TSHR: variants seen among roughly 807,000 people sequenced by gnomAD.
TSHR encodes thyrotropin receptor.
A neutral mutation model predicts 64.1 loss-of-function variants in TSHR; 51 were observed. The ratio of observed to expected loss-of-function variants is 0.80; its 90% CI spans 0.64 to 1.01. TSHR has a LOEUF of 1.01. Among genes scored for constraint, TSHR ranks in the 50% least tolerant of loss-of-function variants. The pLI, the probability that TSHR is intolerant of heterozygous loss-of-function variation, is 0.00. For synonymous variants in TSHR, 361 were observed against 361.9 expected, an observed-to-expected ratio of 1.00 and a Z score of 0.03; for missense variants, 877 against 942.8, an observed-to-expected ratio of 0.93 and a Z score of 0.91.
intron 1 of TSHR, among the ~76,000 whole-genome samples, chr14:81,055,860 T>C: frequency 6.6e-6 from 1 of 152,226 alleles, no homozygotes; most frequent in East Asian, 1.9e-4. Context: ...GATGAGACTT[T>C]GGACTGTGGA....
chr14:81,108,913 A>T, intron 8 of TSHR: 1 of 1,411,042 alleles, frequency 7.1e-7, no homozygotes, highest in Non-Finnish European at 9.2e-7. Flanking sequence ...ATGGGGAAAG[A>T]TGGAATAAAA....
chr14:81,108,341 C>A, intron 7 of TSHR, 34 bp from the exon 8 acceptor site: 2 of 1,461,274 alleles, frequency 1.4e-6, no homozygotes, highest in South Asian at 1.2e-5. Context: ...TCACCTAATT[C>A]ATTCTCTCTC....
At chr14:81,053,475 C>A (rs929936591) in intron 1 of TSHR, 1 of 152,166 alleles carries the variant, frequency 6.6e-6, no homozygotes, top group African/African-American at 2.4e-5. Flanking sequence ...GTGCATTTCT[C>A]CAAATCCTTT....
At chr14:80,973,222 A>T (rs960990708) in intron 1 of TSHR, among the ~76,000 whole-genome samples, 1 of 151,660 alleles carries the variant, frequency 6.6e-6, no homozygotes, top group Admixed American at 6.6e-5. Flanking sequence ...TGGCTAACAC[A>T]GTGAAACCCC....
Position 81,072,134 on chromosome 14 carries a change from C to G in TSHR, c.317+3806C>G, listed in dbSNP as rs189521417. 8.9e-4 allele frequency among the ~76,000 whole-genome samples: 135 copies of G among 152,216 alleles called. 1 individual carries two copies. Among genetic ancestry groups the G allele is most frequent in the African/African-American group, 3.0e-3 (124 of 41,540 alleles). ...ACATAGTGATTTGTGGACTGAAGAG[C>G]TAGCAACAAAGTTTGTACTTTATTC... On this transcript the variant is annotated intron_variant, in intron 3 of 9. Coordinates refer to ENST00000298171, the MANE Select transcript of TSHR (RefSeq NM_000369.5).
intron 1 of TSHR, chr14:80,982,119 A>G: frequency 1.8e-6 from 1 of 565,474 alleles, no homozygotes; most frequent in Middle Eastern, 3.0e-4. Context: ...GGCCAAAGCA[A>G]AAGACAAGCC....
At chr14:81,060,260 A>G (rs755365174) in intron 1 of TSHR, among the ~76,000 whole-genome samples, 30 of 152,088 alleles carry the variant, frequency 2.0e-4, no homozygotes, top group Non-Finnish European at 1.2e-4. Context: ...GCCTTGGGTG[A>G]TACTCAACAG....
chr14:81,055,475 C>T (rs115189121), intron 1 of TSHR, among the ~76,000 whole-genome samples: 1 of 152,102 alleles, frequency 6.6e-6, no homozygotes, highest in African/African-American at 2.4e-5. Flanking sequence ...ATCCACAGAC[C>T]ACTTGCACCA....
At chr14:81,055,746 A>G (rs1885748807) in intron 1 of TSHR, among the ~76,000 whole-genome samples, 1 of 152,176 alleles carries the variant, frequency 6.6e-6, no homozygotes, top group Non-Finnish European at 1.5e-5. Flanking sequence ...CCCATTTGGA[A>G]TGGCTGTATT....
At chr14:81,125,242 AACAG>A (rs1433096586) in intron 8 of TSHR, among the ~76,000 whole-genome samples, 2 of 152,228 alleles carry the variant, frequency 1.3e-5, no homozygotes, top group African/African-American at 4.8e-5. Flanking sequence ...GCAGAATTGC[AACAG>A]ACAGTGATAG....
At chr14:81,061,255 T>C (rs1261202520) in intron 1 of TSHR, among the ~76,000 whole-genome samples, 2 of 152,174 alleles carry the variant, frequency 1.3e-5, no homozygotes, top group African/African-American at 4.8e-5. Context: ...TATATTCTGA[T>C]AGCATTCCAA....
At chr14:81,040,271 G>T (rs769410475) in intron 1 of TSHR, among the ~76,000 whole-genome samples, 20 of 151,828 alleles carry the variant, frequency 1.3e-4, no homozygotes, top group Admixed American at 2.0e-4. Context: ...ACAAGCAGAA[G>T]AATGAAAGTA....
chr14:81,034,008 C>T (rs1884495678), intron 1 of TSHR, among the ~76,000 whole-genome samples: 1 of 152,140 alleles, frequency 6.6e-6, no homozygotes, highest in Admixed American at 6.5e-5. Context: ...ATCACAATTG[C>T]TGACTAAAGT....
rs548149010 is a variant in TSHR at position 81,070,729 on chromosome 14, C to T, written c.317+2401C>T. 1.0e-4 allele frequency among the ~76,000 whole-genome samples: 15 copies of T among 146,498 alleles called. 1 individual carries two copies. The highest frequency in any genetic ancestry group is 4.6e-4 in the South Asian group (2 of 4,382). ...TGACTTTTCAACAGAAATCATGGAA[C>T]TTATAAAACAACAGAAAGATATTTG... On this transcript the variant is annotated intron_variant, in intron 3 of 9. Transcript: ENST00000298171.
chr14:81,130,984 C>T (rs1205380528), intron 8 of TSHR, among the ~76,000 whole-genome samples: 3 of 74,864 alleles, frequency 4.0e-5, no homozygotes, highest in Middle Eastern at 8.9e-3. Context: ...GGCGACAGAG[C>T]GAGACTCCGT....
intron 1 of TSHR, among the ~76,000 whole-genome samples, chr14:80,977,951 T>G (rs576134363): frequency 3.9e-5 from 6 of 152,330 alleles, no homozygotes; most frequent in Non-Finnish European, 8.8e-5. Context: ...AGTGTTCAAT[T>G]GCTTGTCAGT....
intron 3 of TSHR, among the ~76,000 whole-genome samples, chr14:81,086,458 G>A (rs1298521124): frequency 6.6e-6 from 1 of 152,150 alleles, no homozygotes; most frequent in Non-Finnish European, 1.5e-5. Flanking sequence ...AACATCTCCA[G>A]TCCCAAGTCC....
intron 7 of TSHR, among the ~76,000 whole-genome samples, chr14:81,102,115 T>C (rs1411915188): frequency 6.8e-6 from 1 of 146,224 alleles, no homozygotes; most frequent in East Asian, 2.0e-4. Context: ...GAGCTTGCAG[T>C]GAGCCGAGAT....
At chr14:81,019,797 T>G (rs1445418668) in intron 1 of TSHR, among the ~76,000 whole-genome samples, 1 of 152,188 alleles carries the variant, frequency 6.6e-6, no homozygotes. Context: ...ACTCATCCTT[T>G]TTTATGGATG....
Sources: allele counts gnomAD v4.1 joint callset (sites outside exome capture counted in the v4.1 genomes callset), GRCh38; gene constraint gnomAD v4.1.1; transcripts MANE v1.5; gene names NCBI Gene and HGNC (gene_info 2026-07-23, HGNC 2026-07-21).